The following C8orf34 variants were observed in gnomAD, a reference collection of about 807,000 sequenced individuals.
C8orf34 encodes the protein chromosome 8 open reading frame 34, also known as uncharacterized protein C8orf34.
In C8orf34, 65 loss-of-function variants were observed where a neutral mutation model predicts 68.3. The observed-to-expected ratio is 0.95, with a 90% CI of 0.78 to 1.17. C8orf34 has a LOEUF of 1.17. Among genes scored for constraint, C8orf34 ranks in the 50% most tolerant of loss-of-function variants. The pLI is 0.00. For synonymous variants in C8orf34, 244 were observed against 241.2 expected (o/e 1.01, Z -0.11); for missense variants, 664 against 655.4 (o/e 1.01, Z -0.14).
intron 7 of C8orf34, among the ~76,000 whole-genome samples, chr8:68,549,999 G>A (rs541476699): frequency 5.9e-5 from 9 of 151,804 alleles, no homozygotes; most frequent in Non-Finnish European, 1.2e-4. Context: ...TATTTAAAGA[G>A]AGTTTCTTGT....
intron 7 of C8orf34, among the ~76,000 whole-genome samples, chr8:68,546,332 G>T (rs1244998408): frequency 1.3e-5 from 2 of 151,952 alleles, no homozygotes; most frequent in Admixed American, 6.6e-5. Flanking sequence ...TTCACACTCT[G>T]AAGGCCAGAG....
At chr8:68,547,968 C>A (rs1815941023) in intron 7 of C8orf34, among the ~76,000 whole-genome samples, 1 of 151,674 alleles carries the variant, frequency 6.6e-6, no homozygotes, top group Non-Finnish European at 1.5e-5. Context: ...TATTTTCAAC[C>A]ATTGGTGCTG....
At chr8:68,407,719 C>T (rs948912223) in intron 1 of C8orf34, among the ~76,000 whole-genome samples, 3 of 152,116 alleles carry the variant, frequency 2.0e-5, no homozygotes, top group Non-Finnish European at 4.4e-5. Flanking sequence ...TTGTATCTCA[C>T]TAACATTTCT....
At chr8:68,817,448 A>G (rs936655493) in intron 13 of C8orf34, among the ~76,000 whole-genome samples, 1 of 152,122 alleles carries the variant, frequency 6.6e-6, no homozygotes, top group African/African-American at 2.4e-5. Flanking sequence ...CTTCCTCTCT[A>G]ACTTTTCTCC....
chr8:68,543,896 A>G (rs1174649792), intron 7 of C8orf34, among the ~76,000 whole-genome samples: 1 of 152,162 alleles, frequency 6.6e-6, no homozygotes, highest in Non-Finnish European at 1.5e-5. Context: ...AACAAAAGGC[A>G]GCACAGGTGT....
intron 1 of C8orf34, among the ~76,000 whole-genome samples, chr8:68,348,743 G>A (rs1806385746): frequency 4.0e-5 from 6 of 151,678 alleles, no homozygotes; most frequent in Admixed American, 4.0e-4. Context: ...GAATGGGGTT[G>A]CCTTTCTGAT....
intron 8 of C8orf34, among the ~76,000 whole-genome samples, chr8:68,663,744 C>G (rs1317151943): frequency 6.6e-6 from 1 of 152,126 alleles, no homozygotes; most frequent in African/African-American, 2.4e-5. Flanking sequence ...TTTCTTTGTT[C>G]AGCATAAATG....
intron 12 of C8orf34, among the ~76,000 whole-genome samples, chr8:68,803,576 C>G (rs1824395089): frequency 2.6e-5 from 4 of 151,838 alleles, no homozygotes; most frequent in Admixed American, 2.0e-4. Context: ...TCTTTTAGGT[C>G]AGGGATGACC....
At chr8:68,656,618 A>G (rs1033797482) in intron 8 of C8orf34, among the ~76,000 whole-genome samples, 1 of 152,212 alleles carries the variant, frequency 6.6e-6, no homozygotes, top group African/African-American at 2.4e-5. Context: ...ATCAATAAGC[A>G]TAAGTCCTTT....
chr8:68,614,221 T>G (rs1451434126), intron 7 of C8orf34, among the ~76,000 whole-genome samples: 1 of 152,098 alleles, frequency 6.6e-6, no homozygotes, highest in African/African-American at 2.4e-5. Context: ...TGCGAAAATT[T>G]TCTCCCATTT....
intron 12 of C8orf34, among the ~76,000 whole-genome samples, chr8:68,795,007 A>T (rs1824137152): frequency 6.6e-6 from 1 of 152,070 alleles, no homozygotes. Context: ...TATTTGTTCT[A>T]TTTTTATTCT....
intron 7 of C8orf34, among the ~76,000 whole-genome samples, chr8:68,626,208 A>G (rs1467361303): frequency 6.6e-6 from 1 of 152,198 alleles, no homozygotes; most frequent in Non-Finnish European, 1.5e-5. Flanking sequence ...GAACAGTAGT[A>G]TCAGAGCTTA....
chr8:68,468,934 G>T, intron 4 of C8orf34, 114 bp downstream of exon 4: 1 of 1,167,724 alleles, frequency 8.6e-7, no homozygotes, highest in Non-Finnish European at 1.2e-6. Context: ...TCTGCAAGAG[G>T]CTGAGTAGTT....
At chr8:68,666,276 T>C (rs748621645) in intron 8 of C8orf34, among the ~76,000 whole-genome samples, 14 of 152,132 alleles carry the variant, frequency 9.2e-5, no homozygotes, top group Non-Finnish European at 1.8e-4. Flanking sequence ...AGTGGCTGTG[T>C]GATATCTGGC....
intron 10 of C8orf34, among the ~76,000 whole-genome samples, chr8:68,762,984 G>A (rs1021393920): frequency 2.0e-5 from 3 of 152,152 alleles, no homozygotes; most frequent in Non-Finnish European, 4.4e-5. Flanking sequence ...TGGAATTGTG[G>A]TTCATTAAGT....
At chr8:68,337,253 G>T (rs930420808) in intron 1 of C8orf34, among the ~76,000 whole-genome samples, 1 of 152,080 alleles carries the variant, frequency 6.6e-6, no homozygotes, top group Non-Finnish European at 1.5e-5. Flanking sequence ...ACACTACTTC[G>T]TTCAAGTGAT....
intron 5 of C8orf34, among the ~76,000 whole-genome samples, chr8:68,517,362 G>T (rs914776830): frequency 6.6e-6 from 1 of 152,110 alleles, no homozygotes; most frequent in African/African-American, 2.4e-5. Context: ...AGGAGAAAGT[G>T]CTCTTTGCTT....
chr8:68,492,178 C>T (rs1254153575), intron 5 of C8orf34, among the ~76,000 whole-genome samples: 1 of 152,146 alleles, frequency 6.6e-6, no homozygotes, highest in East Asian at 1.9e-4. Context: ...TCTTGACTCT[C>T]TAGTATCTAC....
chr8:68,341,587 G>T (rs1728817332), intron 1 of C8orf34, among the ~76,000 whole-genome samples: 1 of 152,084 alleles, frequency 6.6e-6, no homozygotes. Flanking sequence ...AAGTGTTTGG[G>T]TCCTGGTGGC....
Sources: gnomAD v4.1 joint callset for allele counts (sites outside exome capture counted in the v4.1 genomes callset) on GRCh38, gnomAD v4.1.1 for gene constraint, MANE v1.5 for transcripts, NCBI Gene and HGNC (gene_info 2026-07-23, HGNC 2026-07-21) for gene names.